Variants in VWDE observed in about 807,000 individuals in gnomAD.
The protein encoded by VWDE is von Willebrand factor D and EGF domain-containing protein.
VWDE carries 207 observed loss-of-function variants against 178.4 expected under a neutral mutation model. The ratio of observed to expected loss-of-function variants is 1.16; its 90% confidence interval spans 1.04 to 1.30. VWDE has a LOEUF of 1.30. VWDE is among the 50% of genes most tolerant of loss of function. VWDE has a pLI of 0.00. For missense variants in VWDE, 2,287 were observed against 1,901.3 expected (o/e 1.20, Z -3.77); for synonymous variants, 738 against 651.4 (o/e 1.13, Z -2.02).
At chr7:12,354,923 T>C (rs1046057591) in intron 18 of VWDE, among the ~76,000 whole-genome samples, 11 of 152,004 alleles carry the variant, frequency 7.2e-5, no homozygotes, top group African/African-American at 2.4e-4. Context: ...GGAAAGTCAG[T>C]CCGTCCTTAA....
At chr7:12,390,734 A>C (rs913920748) in intron 2 of VWDE, among the ~76,000 whole-genome samples, 5 of 152,044 alleles carry the variant, frequency 3.3e-5, no homozygotes, top group African/African-American at 9.7e-5. Flanking sequence ...AGAAACACAA[A>C]TGCCTAATAA....
intron 3 of VWDE, 45 bp downstream of exon 3, chr7:12,389,082 G>C: frequency 1.6e-6 from 2 of 1,271,856 alleles, no homozygotes; most frequent in Non-Finnish European, 2.2e-6. Flanking sequence ...ACGAATGGCA[G>C]AGTTCCATGA....
intron 4 of VWDE, 87 bp from the exon 5 acceptor site, chr7:12,380,820 G>A (rs1194158084): frequency 1.4e-6 from 2 of 1,437,118 alleles, no homozygotes; most frequent in Non-Finnish European, 1.9e-6. Flanking sequence ...CTATAACTCT[G>A]TGGTTTATCT....
At chr7:12,347,761 G>A (rs12699363) in intron 19 of VWDE, among the ~76,000 whole-genome samples, 7,872 of 151,786 alleles carry the variant, frequency 0.052, 287 homozygotes, top group Non-Finnish European at 0.077. Context: ...AGCCCACATC[G>A]CCAAGTCAAT....
intron 28 of VWDE, among the ~76,000 whole-genome samples, chr7:12,332,132 G>C (rs1432292936): frequency 6.6e-6 from 1 of 151,542 alleles, no homozygotes; most frequent in African/African-American, 2.4e-5. Flanking sequence ...CCCCACTAAA[G>C]AGAAATTTAT....
intron 24 of VWDE, among the ~76,000 whole-genome samples, chr7:12,337,911 T>C (rs537361552): frequency 2.0e-5 from 3 of 152,178 alleles, no homozygotes; most frequent in Non-Finnish European, 4.4e-5. Flanking sequence ...TATGAGATGG[T>C]TATGATTACT....
rs1366834356 is a variant in VWDE at position 12,370,411 on chromosome 7, T to C, written c.1895A>G (p.Tyr632Cys). The change falls in exon 12 of 29, where the codon TAT becomes TGT. Residue 632 changes from tyrosine to cysteine, a missense_variant. Coordinates refer to ENST00000275358, the MANE Select transcript of VWDE (RefSeq NM_001135924.3). ...YCSCSLDTAA[Y>C]PSSEDLDSVS... ...ACTGTCCAGATCTTCGGAAGACGGA[T>C]ACGCTGCAGTGTCCAATGAACAGCT... is the stretch of plus-strand genomic sequence containing the variant. 6.5e-7 allele frequency: 1 copy of C among 1,547,680 alleles called. No homozygotes were observed. The highest frequency in any genetic ancestry group is 2.4e-5 in the East Asian group (1 of 40,894).
chr7:12,359,455 G>T, intron 16 of VWDE, 123 bp downstream of exon 16: 1 of 602,028 alleles, frequency 1.7e-6, no homozygotes, highest in Non-Finnish European at 2.9e-6. Context: ...TTTGCAGTTA[G>T]GAGAGATGCT....
At chr7:12,340,532 AGCCCAT>A in intron 23 of VWDE, 115 bp from the exon 24 acceptor site, 2 of 687,576 alleles carry the variant, frequency 2.9e-6, no homozygotes, top group Non-Finnish European at 4.9e-6. Context: ...CTGCAAGTAA[AGCCCAT>A]AATGTATAAT....
intron 28 of VWDE, 129 bp from the exon 29 acceptor site, chr7:12,331,326 C>A: frequency 3.1e-6 from 2 of 647,112 alleles, no homozygotes; most frequent in East Asian, 3.0e-5. Flanking sequence ...TGCCACTAGA[C>A]TCAATACTGT....
At chr7:12,403,261 T>C (rs539527620) in intron 1 of VWDE, among the ~76,000 whole-genome samples, 51 of 152,256 alleles carry the variant, frequency 3.3e-4, no homozygotes, top group South Asian at 1.5e-3. Flanking sequence ...GGAGGTGGAA[T>C]TCGTGCAGTA....
rs144401392 is a variant in VWDE at position 12,351,161 on chromosome 7, C to T, written c.3886+412G>A. On this transcript the variant is annotated intron_variant, in intron 19 of 28. Coordinates refer to ENST00000275358, the MANE Select transcript of VWDE (RefSeq NM_001135924.3). ...TGTACAAGAACTTTATGAAGACAAT[C>T]ACAGAATGATTAAACCAAATGAGGG... is the stretch of plus-strand genomic sequence containing the variant. Among the ~76,000 whole-genome samples, 1,275 of 152,202 alleles carry T rather than the reference C, an allele frequency of 8.4e-3. 20 individuals are homozygous for T. The highest frequency in any genetic ancestry group is 0.028 in the African/African-American group (1,173 of 41,520).
rs1272765245 is a variant in VWDE at position 12,343,067 on chromosome 7, G to A, written c.4174+16C>T. On this transcript the variant is annotated intron_variant, in intron 22 of 28. Transcript: ENST00000275358. ...AGCAGTTTCATTATATCAGACATCA[G>A]GAGAGCTTTGCTTACTTGTTTCACA... is the stretch of plus-strand genomic sequence containing the variant. 3 of 1,537,932 alleles carry A rather than the reference G, an allele frequency of 2.0e-6. No individual in the cohort carries two copies. Among genetic ancestry groups the A allele is most frequent in the South Asian group, 1.2e-5 (1 of 83,392 alleles).
chr7:12,379,804 A>G lies in VWDE; in HGVS notation c.790-238T>C, dbSNP rs114333378. 4.1e-3 allele frequency among the ~76,000 whole-genome samples: 630 copies of G among 152,282 alleles called. 5 individuals are homozygous for G. Among genetic ancestry groups the G allele is most frequent in the African/African-American group, 0.014 (597 of 41,562 alleles). On this transcript the variant is annotated intron_variant, in intron 5 of 28. Transcript: ENST00000275358. ...CTTTGTATTTAGGATGTTTTTAAAA[A>G]GTACTTAAGGCCGGGTGCGGTGGCT...
chr7:12,375,799 A>C (rs1783496075), intron 7 of VWDE, among the ~76,000 whole-genome samples: 1 of 152,080 alleles, frequency 6.6e-6, no homozygotes, highest in South Asian at 2.1e-4. Context: ...ATGTCCCAAT[A>C]TATTCACAAC....
chr7:12,363,510 A>T (rs1782690790), intron 13 of VWDE, among the ~76,000 whole-genome samples: 1 of 152,066 alleles, frequency 6.6e-6, no homozygotes, highest in South Asian at 2.1e-4. Context: ...AAGTGGTTGA[A>T]TCTCTAGCTA....
At chr7:12,386,269 T>G (rs1029197706) in intron 3 of VWDE, among the ~76,000 whole-genome samples, 3 of 152,108 alleles carry the variant, frequency 2.0e-5, no homozygotes, top group African/African-American at 4.8e-5. Context: ...CCCAATGAGA[T>G]TGATGCATCT....
chr7:12,359,931 T>C (rs1782481639), intron 15 of VWDE, among the ~76,000 whole-genome samples: 1 of 152,188 alleles, frequency 6.6e-6, no homozygotes, highest in African/African-American at 2.4e-5. Context: ...TACAAAGTTA[T>C]AGCTTATAAT....
At chr7:12,353,471 C>CA (rs1782057168) in intron 18 of VWDE, among the ~76,000 whole-genome samples, 1 of 152,154 alleles carries the variant, frequency 6.6e-6, no homozygotes, top group African/African-American at 2.4e-5. Context: ...TCTACACACC[C>CA]ATTCACTAAA....
Sources: gnomAD v4.1 joint callset for allele counts (sites outside exome capture counted in the v4.1 genomes callset) on GRCh38, gnomAD v4.1.1 for gene constraint, MANE v1.5 for transcripts, NCBI Gene and HGNC (gene_info 2026-07-23, HGNC 2026-07-21) for gene names.